The following LRRC8D variants were observed in gnomAD, a reference collection of about 807,000 sequenced individuals.
LRRC8D encodes the protein leucine rich repeat containing 8 VRAC subunit D, also known as volume-regulated anion channel subunit LRRC8D.
LRRC8D carries 20 observed loss-of-function variants against 55.8 expected under a neutral mutation model. The ratio of observed to expected loss-of-function variants is 0.36; its 90% confidence interval spans 0.25 to 0.52. LRRC8D has a LOEUF of 0.52. Ranked by LOEUF, LRRC8D falls within the 20% of genes least tolerant of loss-of-function variation. The pLI, the probability that LRRC8D is intolerant of heterozygous loss-of-function variation, is 0.93. For missense variants in LRRC8D, 651 were observed against 1,030.8 expected, an observed-to-expected ratio of 0.63 and a Z score of 5.05; for synonymous variants, 352 against 377.0, an observed-to-expected ratio of 0.93 and a Z score of 0.77.
chr1:89,897,626 G>A (rs1662744999), intron 2 of LRRC8D, among the ~76,000 whole-genome samples: 1 of 152,174 alleles, frequency 6.6e-6, no homozygotes, highest in African/African-American at 2.4e-5. Flanking sequence ...TAAACTGCTT[G>A]TGATTGTGGA....
chr1:89,925,464 C>T (rs1326419793), intron 2 of LRRC8D, among the ~76,000 whole-genome samples: 1 of 152,162 alleles, frequency 6.6e-6, no homozygotes, highest in Non-Finnish European at 1.5e-5. Flanking sequence ...AAATTGTCTT[C>T]CATGAAACCA....
chr1:89,823,734 G>A (rs975725016), intron 1 of LRRC8D, among the ~76,000 whole-genome samples: 2 of 152,290 alleles, frequency 1.3e-5, no homozygotes, highest in South Asian at 2.1e-4. Context: ...GAGGATTCTC[G>A]TAGTAATCAC....
intron 2 of LRRC8D, among the ~76,000 whole-genome samples, chr1:89,924,704 G>T (rs1663512049): frequency 6.6e-6 from 1 of 151,760 alleles, no homozygotes; most frequent in East Asian, 1.9e-4. Flanking sequence ...TTTTAATATG[G>T]TACATATACA....
intron 2 of LRRC8D, among the ~76,000 whole-genome samples, chr1:89,870,505 AG>A (rs1295869871): frequency 1.3e-5 from 2 of 152,138 alleles, no homozygotes; most frequent in Non-Finnish European, 2.9e-5. Context: ...TAGAAACTAA[AG>A]GTGTCTCCTG....
intron 1 of LRRC8D, among the ~76,000 whole-genome samples, chr1:89,836,186 A>G (rs1326823525): frequency 6.6e-6 from 1 of 151,796 alleles, no homozygotes; most frequent in East Asian, 1.9e-4. Flanking sequence ...TTTTTTTTTC[A>G]AATGTTTCAG....
intron 2 of LRRC8D, among the ~76,000 whole-genome samples, chr1:89,879,653 C>T (rs1276047293): frequency 6.6e-6 from 1 of 152,152 alleles, no homozygotes; most frequent in African/African-American, 2.4e-5. Flanking sequence ...ATGTGGCACA[C>T]TAGTAGACAC....
intron 2 of LRRC8D, among the ~76,000 whole-genome samples, chr1:89,893,348 G>A (rs1662626321): frequency 6.6e-6 from 1 of 152,120 alleles, no homozygotes; most frequent in Non-Finnish European, 1.5e-5. Flanking sequence ...CGAAAACATG[G>A]TTATAGCTTT....
intron 2 of LRRC8D, among the ~76,000 whole-genome samples, chr1:89,854,817 C>T (rs551058774): frequency 2.0e-5 from 3 of 152,248 alleles, no homozygotes; most frequent in East Asian, 1.9e-4. Context: ...GTTAGATAAC[C>T]GTACCCAGGT....
intron 1 of LRRC8D, among the ~76,000 whole-genome samples, chr1:89,833,088 A>G (rs961038564): frequency 1.3e-5 from 2 of 152,212 alleles, no homozygotes; most frequent in African/African-American, 2.4e-5. Context: ...GGACTCCTTC[A>G]TTGCCCCTTG....
At position 89,927,808 on chromosome 1, in the gene LRRC8D, T is replaced by C. The variant is rs1663605997; in HGVS notation, c.-2-5259T>C. 2.0e-5 allele frequency among the ~76,000 whole-genome samples: 3 copies of C among 152,348 alleles called. No individual in the cohort carries two copies. The South Asian group carries it at 6.2e-4, about 32-fold the overall frequency. On this transcript the variant is annotated intron_variant, in intron 2 of 2. Transcript: ENST00000337338. Reference sequence around the variant, plus strand: ...CCCCCAAAAGCTTAAACTAAACTTTTGTACATTCATTTTCAGGAATGTGCT... The same window carrying C: ...CCCCCAAAAGCTTAAACTAAACTTTCGTACATTCATTTTCAGGAATGTGCT...
chr1:89,933,280 G>C lies in LRRC8D; in HGVS notation c.212G>C (p.Gly71Ala). ...AATTCAAAGGCACATACACCACCAG[G>C]AAATGCCGAGGTCACCACCAACATC... The part of the protein sequence containing the change: ...PVNSKAHTPP[G>A]NAEVTTNIPK... Residue 71 changes from glycine (G) to alanine (A), a missense_variant, in exon 3 of 3, where the codon GGA becomes GCA. Physicochemically the swap from Gly to Ala is moderately conservative, Grantham distance 60. Around this residue, in one of 5 missense-constraint regions of LRRC8D, gnomAD observed 118 missense variants for 138.0 expected, o/e 0.85. Transcript: ENST00000337338. This position sits in a 1 kb window ranked among gnomAD's most constrained non-coding sequence, Gnocchi z 7.0. The C allele has an allele frequency of 6.2e-7, 1 of 1,614,124 alleles. No homozygotes were observed. Among genetic ancestry groups the C allele is most frequent in the Non-Finnish European group, 8.5e-7 (1 of 1,180,034 alleles).
At chr1:89,929,145 T>G (rs1478942024) in intron 2 of LRRC8D, among the ~76,000 whole-genome samples, 4 of 152,060 alleles carry the variant, frequency 2.6e-5, no homozygotes, top group Non-Finnish European at 5.9e-5. Flanking sequence ...CAATGGGAGA[T>G]CAGACAAGTA....
intron 2 of LRRC8D, among the ~76,000 whole-genome samples, chr1:89,870,740 C>T (rs1045556309): frequency 9.2e-5 from 14 of 152,112 alleles, no homozygotes; most frequent in African/African-American, 3.1e-4. Context: ...CATCTAGTCC[C>T]AACATTGTCT....
intron 2 of LRRC8D, among the ~76,000 whole-genome samples, chr1:89,908,295 C>T (rs554857250): frequency 5.3e-5 from 8 of 152,320 alleles, no homozygotes; most frequent in African/African-American, 1.4e-4. Flanking sequence ...TCTCACTTCT[C>T]GTTACACCTC....
chr1:89,892,212 A>G (rs1167856289), intron 2 of LRRC8D, among the ~76,000 whole-genome samples: 1 of 152,142 alleles, frequency 6.6e-6, no homozygotes, highest in African/African-American at 2.4e-5. Context: ...GGTGTCCTGA[A>G]CGCCCTCGCT....
At chr1:89,833,222 C>T (rs1660925711) in intron 1 of LRRC8D, among the ~76,000 whole-genome samples, 1 of 152,240 alleles carries the variant, frequency 6.6e-6, no homozygotes, top group Non-Finnish European at 1.5e-5. Flanking sequence ...TATATTCCTT[C>T]CCTGATACTG....
At chr1:89,919,043 A>G (rs1257235660) in intron 2 of LRRC8D, among the ~76,000 whole-genome samples, 4 of 152,234 alleles carry the variant, frequency 2.6e-5, no homozygotes, top group African/African-American at 9.6e-5. Context: ...ACCCAAGTGG[A>G]GGAAGACAGG....
At chr1:89,917,535 T>A (rs1275138120) in intron 2 of LRRC8D, among the ~76,000 whole-genome samples, 1 of 152,120 alleles carries the variant, frequency 6.6e-6, no homozygotes, top group Non-Finnish European at 1.5e-5. Context: ...AGTTCTCTGG[T>A]CATTCTTTGT....
chr1:89,928,259 C>T (rs567743876), intron 2 of LRRC8D, among the ~76,000 whole-genome samples: 12 of 152,148 alleles, frequency 7.9e-5, no homozygotes, highest in East Asian at 7.8e-4. Flanking sequence ...TTGGTGGAGA[C>T]GGGGTTTCAC....
Sources: gnomAD v4.1 joint callset for allele counts (sites outside exome capture counted in the v4.1 genomes callset) on GRCh38, gnomAD v4.1.1 for gene constraint, gnomAD v4.1.1 regional missense constraint, Gnocchi (gnomAD v3.1) non-coding constraint, MANE v1.5 for transcripts, NCBI Gene and HGNC (gene_info 2026-07-23, HGNC 2026-07-21) for gene names.